Variants in FGD5 observed in about 807,000 individuals in gnomAD.
The protein encoded by FGD5 is FYVE, RhoGEF and PH domain containing 5, also known as FYVE, RhoGEF and PH domain-containing protein 5.
A neutral mutation model predicts 133.4 loss-of-function variants in FGD5; 28 were observed. The observed-to-expected ratio is 0.21, with a 90% CI of 0.16 to 0.29. The LOEUF is 0.29. Among genes scored for constraint, FGD5 ranks in the 10% least tolerant of loss-of-function variants. FGD5 has a pLI of 1.00. For missense variants in FGD5, 1,858 were observed against 1,895.2 expected, an observed-to-expected ratio of 0.98 and a Z score of 0.36; for synonymous variants, 810 against 776.5, an observed-to-expected ratio of 1.04 and a Z score of -0.72.
chr3:14,843,687 T>C (rs1284337459), intron 1 of FGD5, among the ~76,000 whole-genome samples: 1 of 16,832 alleles, frequency 5.9e-5, no homozygotes, highest in Non-Finnish European at 1.2e-4. Flanking sequence ...CCCAGGGTGC[T>C]TTTTTTTTTT....
At chr3:14,896,780 A>G (rs2038147791) in intron 4 of FGD5, among the ~76,000 whole-genome samples, 1 of 152,078 alleles carries the variant, frequency 6.6e-6, no homozygotes, top group Non-Finnish European at 1.5e-5. Context: ...TCCCAGATAT[A>G]ATTTTTATAT....
At chr3:14,870,259 C>T (rs535228424) in intron 2 of FGD5, among the ~76,000 whole-genome samples, 1 of 152,310 alleles carries the variant, frequency 6.6e-6, no homozygotes, top group African/African-American at 2.4e-5. Context: ...CCTAGGAGGT[C>T]ATTGTGGCTG....
Position 14,922,995 on chromosome 3 carries a change from C to G in FGD5, c.3808-51C>G. The G allele has an allele frequency of 6.2e-7, 1 of 1,610,762 alleles. No individual in the cohort carries two copies. Among genetic ancestry groups the G allele is most frequent in the Non-Finnish European group, 8.5e-7 (1 of 1,177,694 alleles). On this transcript the variant is annotated intron_variant, in intron 15 of 19. Coordinates refer to ENST00000285046, the MANE Select transcript of FGD5 (RefSeq NM_152536.4). This position sits in a 1 kb window ranked among gnomAD's most constrained non-coding sequence, Gnocchi z 4.1. ...GGGAGCGGAGGGGAGGGGTGCAGGT[C>G]TCCTTTGCATGCACTGAGAGGGGTG...
chr3:14,874,511 C>T (rs1394142312), intron 2 of FGD5, among the ~76,000 whole-genome samples: 1 of 152,012 alleles, frequency 6.6e-6, no homozygotes, highest in African/African-American at 2.4e-5. Context: ...AATAAAATAG[C>T]CTAATTCACA....
intron 2 of FGD5, among the ~76,000 whole-genome samples, chr3:14,874,549 G>A (rs546041145): frequency 3.0e-4 from 46 of 152,200 alleles, no homozygotes; most frequent in African/African-American, 1.1e-3. Flanking sequence ...AGTGGTTGCC[G>A]GGGGTGGAGG....
intron 11 of FGD5, among the ~76,000 whole-genome samples, chr3:14,913,761 C>T (rs1000164696): frequency 5.9e-5 from 9 of 152,316 alleles, no homozygotes; most frequent in Non-Finnish European, 1.5e-5. Context: ...TCACCTCGTC[C>T]TCCACTTCAT....
chr3:14,866,027 C>A (rs559820098), intron 2 of FGD5, among the ~76,000 whole-genome samples: 2 of 152,136 alleles, frequency 1.3e-5, no homozygotes, highest in South Asian at 2.1e-4. Flanking sequence ...GGGTACTGGC[C>A]GCGAGAACGT....
chr3:14,926,905 T>A (rs2038814137), intron 18 of FGD5, among the ~76,000 whole-genome samples: 2 of 152,086 alleles, frequency 1.3e-5, no homozygotes, highest in Non-Finnish European at 2.9e-5. Flanking sequence ...AGAGGGTGGG[T>A]GCTTTGCTCC....
intron 11 of FGD5, among the ~76,000 whole-genome samples, chr3:14,915,855 C>T (rs1375173349): frequency 8.6e-5 from 13 of 151,904 alleles, no homozygotes; most frequent in African/African-American, 2.7e-4. Context: ...AGGGTTCACC[C>T]TGGCTGATGT....
intron 10 of FGD5, among the ~76,000 whole-genome samples, chr3:14,908,210 A>G (rs977101773): frequency 6.6e-6 from 1 of 152,274 alleles, no homozygotes; most frequent in Non-Finnish European, 1.5e-5. Context: ...AAGGAATGAA[A>G]GTACATGCTC....
chr3:14,847,042 G>A (rs1358324872), intron 1 of FGD5, among the ~76,000 whole-genome samples: 3 of 152,284 alleles, frequency 2.0e-5, no homozygotes, highest in Non-Finnish European at 4.4e-5. Context: ...GAGTTGTTCC[G>A]AGGAGTGAAT....
rs761268325 is a variant in FGD5 at position 14,820,544 on chromosome 3, C to T, written c.1473C>T (p.Gly491=). ...RVRPHSGKVA[G]YVPETVPEET... The stretch of plus-strand genomic sequence containing the variant: ...GGCCCCACTCTGGGAAGGTGGCCGG[C>T]TATGTCCCAGAAACCGTCCCTGAAG... Residue 491 remains glycine (G), a synonymous_variant, in exon 1 of 20, where the codon GGC becomes GGT. Coordinates refer to ENST00000285046, the MANE Select transcript of FGD5 (RefSeq NM_152536.4). The T allele has an allele frequency of 6.2e-7, 1 of 1,613,448 alleles. No homozygotes were observed. The highest frequency in any genetic ancestry group is 8.5e-7 in the Non-Finnish European group (1 of 1,179,618).
chr3:14,833,518 G>A (rs1188123861), intron 1 of FGD5, among the ~76,000 whole-genome samples: 1 of 152,192 alleles, frequency 6.6e-6, no homozygotes, highest in Non-Finnish European at 1.5e-5. Context: ...TTGTAAGGTA[G>A]TGAGCTCCCC....
intron 7 of FGD5, among the ~76,000 whole-genome samples, chr3:14,900,042 A>G (rs1347426193): frequency 6.6e-6 from 1 of 152,166 alleles, no homozygotes; most frequent in Non-Finnish European, 1.5e-5. Flanking sequence ...CCTGGAGAGT[A>G]TGAATGCACT....
chr3:14,820,433 T>C lies in FGD5; in HGVS notation c.1362T>C (p.Gly454=), dbSNP rs2125067962. The C allele has an allele frequency of 6.2e-7, 1 of 1,613,628 alleles. No homozygotes were observed. The highest frequency in any genetic ancestry group is 1.6e-4 in the Middle Eastern group (1 of 6,062). Residue 454 remains glycine, a synonymous_variant, in exon 1 of 20, where the codon GGT becomes GGC. Transcript: ENST00000285046. ...EGGQAASDAL[G]GYGSKEELNC... ...GGCAGGCTGCATCGGACGCCCTGGG[T>C]GGTTATGGCTCGAAAGAAGAATTGA...
chr3:14,843,001 T>C (rs1367626610), intron 1 of FGD5, among the ~76,000 whole-genome samples: 1 of 152,010 alleles, frequency 6.6e-6, no homozygotes, highest in Non-Finnish European at 1.5e-5. Flanking sequence ...CAGAAGTATA[T>C]TTTTAAGTGT....
At chr3:14,829,488 G>A (rs1345606393) in intron 1 of FGD5, among the ~76,000 whole-genome samples, 1 of 152,196 alleles carries the variant, frequency 6.6e-6, no homozygotes, top group Admixed American at 6.5e-5. Flanking sequence ...GCCAGGGGAG[G>A]AGTGGTGTTC....
intron 1 of FGD5, among the ~76,000 whole-genome samples, chr3:14,855,814 C>A (rs1418766512): frequency 6.6e-6 from 1 of 152,114 alleles, no homozygotes; most frequent in Non-Finnish European, 1.5e-5. Flanking sequence ...TATTTTCTCC[C>A]ATTCTGTAGG....
rs1435567983 is a variant in FGD5 at position 14,917,293 on chromosome 3, G to A, written c.3450G>A (p.Lys1150=). The change falls in exon 12 of 20, where the codon AAG becomes AAA. Residue 1150 remains lysine, a synonymous_variant. Transcript: ENST00000285046. This position sits in a 1 kb window ranked among gnomAD's most constrained non-coding sequence, Gnocchi z 4.1. The part of the protein sequence containing the change: ...LLYTYPQKDG[K]YRLKNTLAVA... ...ACACCTATCCCCAGAAGGATGGGAAGTACCGGCTGAAGAACACATTGGCTG... is the reference window on the plus strand; with the variant it reads ...ACACCTATCCCCAGAAGGATGGGAAATACCGGCTGAAGAACACATTGGCTG... 6.2e-7 allele frequency: 1 copy of A among 1,613,668 alleles called. No individual in the cohort carries two copies. The highest frequency in any genetic ancestry group is 2.2e-5 in the East Asian group (1 of 44,892).
Sources: allele counts gnomAD v4.1 joint callset (sites outside exome capture counted in the v4.1 genomes callset), GRCh38; gene constraint gnomAD v4.1.1; non-coding constraint Gnocchi (gnomAD v3.1); transcripts MANE v1.5; gene names NCBI Gene and HGNC (gene_info 2026-07-23, HGNC 2026-07-21).